The following HK1 variants were observed in gnomAD, a reference collection of about 807,000 sequenced individuals.
The protein encoded by HK1 is hexokinase 1.
HK1 carries 28 observed loss-of-function variants against 91.6 expected under a neutral mutation model. The observed-to-expected ratio is 0.31, with a 90% CI of 0.23 to 0.42. The LOEUF (loss-of-function observed/expected upper bound fraction) is 0.42, where lower values mean the gene tolerates loss of function less well. Ranked by LOEUF, HK1 falls within the 10% of genes least tolerant of loss-of-function variation. The probability of loss-of-function intolerance (pLI) is 1.00; values close to 1 mark genes in which losing one functional copy is unlikely to be tolerated. For synonymous variants in HK1, 430 were observed against 468.1 expected (o/e 0.92, Z 1.05); for missense variants, 770 against 1,219.8 (o/e 0.63, Z 5.49).
intron 1 of HK1, among the ~76,000 whole-genome samples, chr10:69,330,087 T>G (rs4745982): frequency 0.081 from 12,337 of 152,200 alleles, 617 homozygotes; most frequent in African/African-American, 0.11. Context: ...ACTCCTGGCC[T>G]CTGCCTGGGG....
At chr10:69,365,999 T>C (rs1350783281) in intron 4 of HK1, among the ~76,000 whole-genome samples, 2 of 151,930 alleles carry the variant, frequency 1.3e-5, no homozygotes, top group Non-Finnish European at 1.5e-5. Flanking sequence ...TCCGGCTAAT[T>C]TTTGTATTTT....
chr10:69,336,946 G>A (rs370422405), intron 1 of HK1, among the ~76,000 whole-genome samples: 1 of 151,864 alleles, frequency 6.6e-6, no homozygotes, highest in East Asian at 1.9e-4. Context: ...TGCCTGGCCG[G>A]TAGATGTATT....
intron 5 of HK1, among the ~76,000 whole-genome samples, chr10:69,309,707 A>G (rs1846271866): frequency 6.6e-6 from 1 of 151,356 alleles, no homozygotes; most frequent in African/African-American, 2.4e-5. Flanking sequence ...AGGCTGAGGC[A>G]GGAGAATCAC....
At chr10:69,316,048 C>G, upstream of HK1, 1 of 1,574,308 alleles carries the variant, frequency 6.4e-7, no homozygotes, top group Non-Finnish European at 8.7e-7. Context: ...GGTTGGCAAG[C>G]TGGGCCTTAG....
intron 1 of HK1, chr10:69,338,392 AGACT>A: frequency 8.2e-7 from 1 of 1,214,852 alleles, no homozygotes; most frequent in Non-Finnish European, 1.1e-6. Flanking sequence ...CAGCCTGACC[AGACT>A]GACCAGAGTC....
At chr10:69,291,864 A>G (rs1845310269) in intron 3 of HK1, among the ~76,000 whole-genome samples, 1 of 152,120 alleles carries the variant, frequency 6.6e-6, no homozygotes, top group Non-Finnish European at 1.5e-5. Context: ...TTGCCTTACT[A>G]TTAATTCTCA....
At position 69,398,576 on chromosome 10, in the gene HK1, T is replaced by G. The variant is rs1198995904; in HGVS notation, c.2376-19T>G. 6.2e-7 allele frequency: 1 copy of G among 1,605,708 alleles called. No homozygotes were observed. The highest frequency in any genetic ancestry group is 8.5e-7 in the Non-Finnish European group (1 of 1,174,390). ...GTGGGTCCTGCTTCATCCAGCCCTC[T>G]GGCTCTTGTCCCCCACAGTGACCGA... On this transcript the variant is annotated intron_variant, in intron 16 of 17. Coordinates refer to ENST00000359426, the MANE Select transcript of HK1 (RefSeq NM_000188.3).
intron 14 of HK1, among the ~76,000 whole-genome samples, chr10:69,390,112 A>G (rs1839828964): frequency 6.6e-6 from 1 of 152,234 alleles, no homozygotes; most frequent in Non-Finnish European, 1.5e-5. Context: ...GCTGCCTTCC[A>G]GGTGCCAGGA....
At chr10:69,386,904 T>C (rs916556838) in intron 13 of HK1, 2 of 152,538 alleles carry the variant, frequency 1.3e-5, no homozygotes, top group African/African-American at 4.8e-5. Flanking sequence ...TAAGGGCTCA[T>C]AGGTTTGTGT....
intron 4 of HK1, chr10:69,300,524 C>A: frequency 1.4e-6 from 1 of 729,294 alleles, no homozygotes; most frequent in Non-Finnish European, 2.4e-6. Context: ...ACAATGAAAT[C>A]AAACTGGCCA....
intron 2 of HK1, among the ~76,000 whole-genome samples, chr10:69,344,645 C>T (rs567008053): frequency 2.6e-5 from 4 of 152,318 alleles, no homozygotes; most frequent in South Asian, 2.1e-4. Flanking sequence ...GGGGGAGGGC[C>T]CCCTGAGGAT....
Position 69,369,103 on chromosome 10 carries a change from G to A in HK1, c.592-134G>A. 4.2e-6 allele frequency: 3 copies of A among 721,560 alleles called. No homozygotes were observed. The highest frequency in any genetic ancestry group is 5.1e-6 in the Non-Finnish European group (2 of 393,780). The allele number at this position is 721,560 out of a possible 1,614,324, so 44.7% of individuals were successfully genotyped here. On this transcript the variant is annotated intron_variant, in intron 5 of 17. Transcript: ENST00000359426. This position sits in a 1 kb window ranked among gnomAD's most constrained non-coding sequence, Gnocchi z 4.4. ...TCTGATCTAGTTAATTTGAGTACCA[G>A]CTGTAATGAAACCAGTACCACTCAC...
chr10:69,360,067 G>C (rs1207226762), intron 3 of HK1, 22 bp downstream of exon 3: 1 of 1,612,538 alleles, frequency 6.2e-7, no homozygotes, highest in Non-Finnish European at 8.5e-7. Flanking sequence ...CTCCCTCCGG[G>C]TCACCCCGTC....
intron 2 of HK1, among the ~76,000 whole-genome samples, chr10:69,356,908 A>G (rs190538174): frequency 1.1e-4 from 17 of 151,088 alleles, no homozygotes; most frequent in African/African-American, 3.7e-4. Context: ...AAAAAAAGGA[A>G]AAGATAAGCC....
chr10:69,384,996 C>T, intron 12 of HK1, 81 bp downstream of exon 12: 1 of 1,462,102 alleles, frequency 6.8e-7, no homozygotes, highest in East Asian at 2.3e-5. Flanking sequence ...TTGAGGCCTT[C>T]TCCAGCCTCA....
rs1351261560 is a variant in HK1, at chr10:69,369,232, C to T, written c.592-5C>T. 1 of 1,610,304 alleles carries T rather than the reference C, an allele frequency of 6.2e-7. No homozygotes were observed. On this transcript the variant is annotated splice_polypyrimidine_tract_variant and splice_region_variant and intron_variant, in intron 5 of 17. Coordinates refer to ENST00000359426, the MANE Select transcript of HK1 (RefSeq NM_000188.3). This position sits in a 1 kb window ranked among gnomAD's most constrained non-coding sequence, Gnocchi z 4.4. Reference sequence around the variant, plus strand: ...GGACAATGACACCCCGTTATCTGTCCCCAGGACTATGATGCCAACATCGTA... The same window carrying T: ...GGACAATGACACCCCGTTATCTGTCTCCAGGACTATGATGCCAACATCGTA...
At chr10:69,316,010 T>C (rs1846622459), upstream of HK1, 1 of 1,613,336 alleles carries the variant, frequency 6.2e-7, no homozygotes, top group Non-Finnish European at 8.5e-7. Context: ...GCCTGGGAGA[T>C]TGGGGTGAGT....
chr10:69,287,611 C>T (rs1315298030), intron 2 of HK1, among the ~76,000 whole-genome samples: 2 of 152,014 alleles, frequency 1.3e-5, no homozygotes, highest in Non-Finnish European at 2.9e-5. Flanking sequence ...GGGGAAGGAT[C>T]GAATGAGAAT....
chr10:69,346,219 T>C (rs931203335), intron 2 of HK1, among the ~76,000 whole-genome samples: 2 of 152,236 alleles, frequency 1.3e-5, no homozygotes, highest in Non-Finnish European at 2.9e-5. Context: ...TTTTGAAATG[T>C]TAATCACTGC....
Sources: gnomAD v4.1 joint callset for allele counts (sites outside exome capture counted in the v4.1 genomes callset) on GRCh38, gnomAD v4.1.1 for gene constraint, Gnocchi (gnomAD v3.1) non-coding constraint, MANE v1.5 for transcripts, NCBI Gene and HGNC (gene_info 2026-07-23, HGNC 2026-07-21) for gene names.